The following ALDOA variants were observed in gnomAD, a reference collection of about 807,000 sequenced individuals.
The protein encoded by ALDOA is aldolase, fructose-bisphosphate A, also known as fructose-bisphosphate aldolase A.
A neutral mutation model predicts 43.9 loss-of-function variants in ALDOA; 26 were observed. The ratio of observed to expected loss-of-function variants is 0.59; its 90% confidence interval spans 0.43 to 0.82. The LOEUF is 0.82. Among genes scored for constraint, ALDOA ranks in the 40% least tolerant of loss-of-function variants. ALDOA has a pLI of 0.00. For missense variants in ALDOA, 498 were observed against 549.5 expected (o/e 0.91, Z 0.94); for synonymous variants, 258 against 222.6 (o/e 1.16, Z -1.42).
chr16:30,065,110 A>G (rs1275235821), upstream of ALDOA, among the ~76,000 whole-genome samples: 1 of 152,198 alleles, frequency 6.6e-6, no homozygotes, highest in East Asian at 1.9e-4. Flanking sequence ...TGCGCGACCC[A>G]GCCCGGCCTG....
chr16:30,067,780 T>G, intron 4 of ALDOA, 119 bp downstream of exon 4: 1 of 1,183,192 alleles, frequency 8.5e-7, no homozygotes, highest in Non-Finnish European at 1.3e-6. Flanking sequence ...GGAGCCTGCT[T>G]CAGGCTTAGG....
chr16:30,066,683 G>C lies in ALDOA; in HGVS notation c.-13-202G>C, dbSNP rs183452993. Among the ~76,000 whole-genome samples the C allele has an allele frequency of 4.9e-3, 743 of 152,312 alleles. 19 individuals carry two copies. The highest frequency in any genetic ancestry group is 0.046 in the Admixed American group (696 of 15,292). Reference sequence around the variant, plus strand: ...AGCCTTGGAGCCCGGGCCAGCCCTGGGATCTTGAGGGGATTGGAAGGAACA... The same window carrying C: ...AGCCTTGGAGCCCGGGCCAGCCCTGCGATCTTGAGGGGATTGGAAGGAACA... On this transcript the variant is annotated intron_variant, in intron 1 of 9. Transcript: ENST00000642816.
At chr16:30,064,461 G>A (rs2151011842), upstream of ALDOA, 1 of 398,638 alleles carries the variant, frequency 2.5e-6, no homozygotes, top group African/African-American at 2.1e-5. Context: ...GACAACCAAG[G>A]GCCTCCGTCT....
At chr16:30,066,771 G>A in intron 1 of ALDOA, 114 bp from the exon 2 acceptor site, 1 of 1,233,136 alleles carries the variant, frequency 8.1e-7, no homozygotes, top group Non-Finnish European at 1.1e-6. Context: ...TTGCTGTGTG[G>A]CTTGAAGCAC....
At chr16:30,070,054 G>C in intron 9 of ALDOA, 25 bp downstream of exon 9, 2 of 1,613,622 alleles carry the variant, frequency 1.2e-6, no homozygotes, top group Non-Finnish European at 1.7e-6. Context: ...GAGGTGGGCA[G>C]GGTGCCTGGG....
intron 4 of ALDOA, 158 bp from the exon 5 acceptor site, chr16:30,068,488 A>C (rs1469816568): frequency 1.1e-5 from 9 of 805,116 alleles, no homozygotes; most frequent in Non-Finnish European, 1.9e-5. Context: ...GGGCACGCCC[A>C]GCTACCTAGG....
Position 30,070,022 on chromosome 16 carries a change from G to A in ALDOA, c.1154G>A (p.Arg385Gln), listed in dbSNP as rs1329509300. 4.3e-6 allele frequency: 7 copies of A among 1,613,668 alleles called. No homozygotes were observed. The highest frequency in any genetic ancestry group is 3.3e-5 in the Admixed American group (2 of 60,006). Residue 385 changes from arginine (R) to glutamine (Q), a missense_variant, in exon 9 of 10, where the codon CGA becomes CAA. By Grantham distance (43) the Arg-to-Gln change is conservative (BLOSUM62 1). Transcript: ENST00000642816. ...LKAAQEEYVK[R>Q]ALANSLACQG... ...GCTGCGCAGGAGGAGTATGTCAAGC[G>A]AGCCCTGGTAAGGATAGGCAGGAGG...
chr16:30,065,543 C>G (rs1202556653), upstream of ALDOA: 1 of 152,316 alleles, frequency 6.6e-6, no homozygotes, highest in African/African-American at 2.4e-5. Flanking sequence ...CCTAGCGACC[C>G]GCGGGATGTG....
Position 30,069,527 on chromosome 16 carries a change from G to C in ALDOA, c.815G>C (p.Ser272Thr). ...CTGGCTGCTGTCTACAAGGCTCTGA[G>C]TGACCACCACATCTACCTGGAAGGC... ...KVLAAVYKAL[S>T]DHHIYLEGTL... Residue 272 changes from serine to threonine, a missense_variant, in exon 8 of 10, where the codon AGT becomes ACT. Physicochemically the swap from Ser to Thr is moderately conservative, Grantham distance 58. Coordinates refer to ENST00000642816, the MANE Select transcript of ALDOA (RefSeq NM_001243177.4). 3.7e-6 allele frequency: 6 copies of C among 1,614,088 alleles called. No homozygotes were observed. Among genetic ancestry groups the C allele is most frequent in the Non-Finnish European group, 5.1e-6 (6 of 1,180,032 alleles).
chr16:30,069,225 T>G, intron 6 of ALDOA, 81 bp from the exon 7 acceptor site: 1 of 1,509,470 alleles, frequency 6.6e-7, no homozygotes, highest in Non-Finnish European at 9.2e-7. Flanking sequence ...CAAGATACGG[T>G]CTTGACCAGT....
chr16:30,064,674 A>G, upstream of ALDOA: 1 of 390,264 alleles, frequency 2.6e-6, no homozygotes, highest in Non-Finnish European at 4.5e-6. Context: ...GTCATTAGAG[A>G]AGATCGGGGA....
At position 30,067,330 on chromosome 16, in the gene ALDOA, C is replaced by T. The variant is rs1186308102; in HGVS notation, c.238C>T (p.Pro80Ser). The change falls in exon 3 of 10, where the codon CCT (proline) becomes TCT (serine). Residue 80 changes from proline to serine, a missense_variant. By Grantham distance (74) the Pro-to-Ser change is moderately conservative. Transcript: ENST00000642816. ...LSDIAHRIVA[P>S]GKGILAADES... Reference sequence around the variant, plus strand: ...TGACATCGCTCACCGCATCGTGGCACCTGGCAAGGGCATCCTGGCTGCAGA... The same window carrying T: ...TGACATCGCTCACCGCATCGTGGCATCTGGCAAGGGCATCCTGGCTGCAGA... The T allele has an allele frequency of 6.2e-7, 1 of 1,613,740 alleles. No homozygotes were observed. The highest frequency in any genetic ancestry group is 8.5e-7 in the Non-Finnish European group (1 of 1,180,038).
chr16:30,064,378 G>C, upstream of ALDOA: 1 of 398,792 alleles, frequency 2.5e-6, no homozygotes, highest in Non-Finnish European at 4.4e-6. Context: ...GAGGGTGGCA[G>C]GGAGGCCACG....
intron 4 of ALDOA, chr16:30,068,083 G>C: frequency 8.6e-6 from 1 of 116,322 alleles, no homozygotes; most frequent in South Asian, 7.3e-5. Context: ...TTTTTTTTTT[G>C]AGATGGAGTC....
At chr16:30,066,493 A>G (rs1801773949) in intron 1 of ALDOA, among the ~76,000 whole-genome samples, 1 of 152,230 alleles carries the variant, frequency 6.6e-6, no homozygotes, top group Non-Finnish European at 1.5e-5. Flanking sequence ...CCCCGTAGGA[A>G]CAGTGACGAT....
At position 30,067,212 on chromosome 16, in the gene ALDOA, C is replaced by G. The variant is rs982361771; in HGVS notation, c.142-22C>G. The G allele has an allele frequency of 5.6e-6, 9 of 1,612,000 alleles. No homozygotes were observed. In the East Asian group the frequency reaches 2.0e-4, roughly 36 times the overall value. On this transcript the variant is annotated intron_variant, in intron 2 of 9. Transcript: ENST00000642816. ...GGGAAACCCTAGCTAACTAGTCCTT[C>G]CCCTCTGTTTCCTGTATCCAGGAAC... is the stretch of plus-strand genomic sequence containing the variant.
Position 30,065,776 on chromosome 16 carries a change from GCCCCTTCC to G in ALDOA, c.-164_-157del, listed in dbSNP as rs1287499314. 2.6e-5 allele frequency: 4 copies of G among 152,776 alleles called. No homozygotes were observed. The highest frequency in any genetic ancestry group is 5.9e-5 in the Non-Finnish European group (4 of 68,150). The allele number at this position is 152,776 out of a possible 1,614,324, so 9.5% of individuals were successfully genotyped here. Reference sequence around the variant, plus strand: ...CTTCCGCCTGCCCGCCTCCTGCGCCGCCCCTTCCGAGGCTAAATCGGCTGCGTTCCTCT... The same window carrying G: ...CTTCCGCCTGCCCGCCTCCTGCGCCGGAGGCTAAATCGGCTGCGTTCCTCT... On this transcript the variant is annotated 5_prime_UTR_variant, in exon 1 of 10. Coordinates refer to ENST00000642816, the MANE Select transcript of ALDOA (RefSeq NM_001243177.4).
chr16:30,070,108 C>T lies in ALDOA; in HGVS notation c.1162-9C>T, dbSNP rs2072272254. On this transcript the variant is annotated splice_polypyrimidine_tract_variant and intron_variant, in intron 9 of 9. Coordinates refer to ENST00000642816, the MANE Select transcript of ALDOA (RefSeq NM_001243177.4). ...GAGCCCTTCTCACTCCACCCCTCTC[C>T]CTGCTTAGGCCAACAGCCTTGCCTG... is the stretch of plus-strand genomic sequence containing the variant. 1.2e-6 allele frequency: 2 copies of T among 1,613,986 alleles called. No homozygotes were observed. Among genetic ancestry groups the T allele is most frequent in the Non-Finnish European group, 1.7e-6 (2 of 1,180,022 alleles).
intron 2 of ALDOA, 52 bp downstream of exon 2, chr16:30,067,090 A>C (rs2072136471): frequency 4.5e-6 from 7 of 1,569,588 alleles, no homozygotes; most frequent in Non-Finnish European, 5.2e-6. Flanking sequence ...AGAGCTGGGG[A>C]CCAGAAGTGC....
Sources: gnomAD v4.1 joint callset for allele counts (sites outside exome capture counted in the v4.1 genomes callset) on GRCh38, gnomAD v4.1.1 for gene constraint, MANE v1.5 for transcripts, NCBI Gene and HGNC (gene_info 2026-07-23, HGNC 2026-07-21) for gene names.